Variants in GNAI1 observed in about 807,000 individuals in gnomAD.
GNAI1 encodes the protein G protein subunit alpha i1.
In GNAI1, 11 loss-of-function variants were observed where a neutral mutation model predicts 38.9. The observed-to-expected ratio is 0.28, with a 90% CI of 0.18 to 0.47. The LOEUF (loss-of-function observed/expected upper bound fraction) is 0.47, where lower values mean the gene tolerates loss of function less well. Ranked by LOEUF, GNAI1 falls within the 20% of genes least tolerant of loss-of-function variation. GNAI1 has a pLI of 0.99. For missense variants in GNAI1, 317 were observed against 436.9 expected (o/e 0.73, Z 2.45); for synonymous variants, 166 against 145.1 (o/e 1.14, Z -1.04).
At chr7:80,135,516 G>A (rs973891336) in intron 1 of GNAI1, 1 of 400,504 alleles carries the variant, frequency 2.5e-6, no homozygotes. Flanking sequence ...ACTTCACTCG[G>A]ATGCTTTCGT....
rs747520374 is a variant in GNAI1 at position 80,217,394 on chromosome 7, C to T, written c.966C>T (p.His322=). ...AGGACACAAAGGAAATATACACCCA[C>T]TTCACATGTGCCACAGATACTAAGA... ...KRKDTKEIYT[H]FTCATDTKNV... Residue 322 remains histidine (H), a synonymous_variant, in exon 8 of 8, where the codon CAC becomes CAT. Transcript: ENST00000649796. The T allele has an allele frequency of 5.6e-6, 9 of 1,605,598 alleles. No homozygotes were observed. The highest frequency in any genetic ancestry group is 1.1e-5 in the South Asian group (1 of 90,370).
At chr7:80,201,162 A>G (rs1330858407) in intron 4 of GNAI1, among the ~76,000 whole-genome samples, 1 of 152,178 alleles carries the variant, frequency 6.6e-6, no homozygotes. Flanking sequence ...AATTAGAAAA[A>G]ATACTTACAG....
chr7:80,162,914 C>A (rs1356013709), intron 1 of GNAI1, among the ~76,000 whole-genome samples: 2 of 152,148 alleles, frequency 1.3e-5, no homozygotes, highest in African/African-American at 4.8e-5. Context: ...TTCTGCTCTG[C>A]ATTGTTTGAT....
At chr7:80,178,285 C>T (rs947577551) in intron 1 of GNAI1, among the ~76,000 whole-genome samples, 1 of 152,184 alleles carries the variant, frequency 6.6e-6, no homozygotes, top group Non-Finnish European at 1.5e-5. Flanking sequence ...GAAATGACAA[C>T]AAAGGATTTA....
At chr7:80,151,971 G>A (rs1324482141) in intron 1 of GNAI1, among the ~76,000 whole-genome samples, 1 of 152,204 alleles carries the variant, frequency 6.6e-6, no homozygotes, top group Admixed American at 6.5e-5. Context: ...AAGGGCACAA[G>A]CAAGAATATG....
At position 80,158,955 on chromosome 7, in the gene GNAI1, G is replaced by A. The variant is rs180972412; in HGVS notation, c.118+23677G>A. Among the ~76,000 whole-genome samples the A allele has an allele frequency of 2.8e-3, 419 of 152,274 alleles. 2 individuals are homozygous for A. Among genetic ancestry groups the A allele is most frequent in the Non-Finnish European group, 4.4e-3 (301 of 68,030 alleles). On this transcript the variant is annotated intron_variant, in intron 1 of 7. Coordinates refer to ENST00000649796, the MANE Select transcript of GNAI1 (RefSeq NM_002069.6). Reference sequence around the variant, plus strand: ...GCTCACAGTGGCGATGTCTTCTAAAGCTGTTGACGTTAGAGGTGGCATAGC... The same window carrying A: ...GCTCACAGTGGCGATGTCTTCTAAAACTGTTGACGTTAGAGGTGGCATAGC...
At chr7:80,142,726 C>A (rs1787548041) in intron 1 of GNAI1, among the ~76,000 whole-genome samples, 2 of 151,992 alleles carry the variant, frequency 1.3e-5, no homozygotes, top group South Asian at 4.1e-4. Flanking sequence ...GAATTTTAGC[C>A]CAATATATAT....
intron 1 of GNAI1, among the ~76,000 whole-genome samples, chr7:80,175,362 T>TTA (rs1431414065): frequency 1.5e-5 from 2 of 137,018 alleles, no homozygotes; most frequent in East Asian, 2.2e-4. Flanking sequence ...ATGTGTATAT[T>TTA]TATGTGTGTG....
rs1224841887 is a variant in GNAI1, at chr7:80,204,807, T to C, written c.590+975T>C. Among the ~76,000 whole-genome samples the C allele has an allele frequency of 2.0e-5, 3 of 152,176 alleles. No homozygotes were observed. In the East Asian group the frequency reaches 5.8e-4, roughly 29 times the overall value. On this transcript the variant is annotated intron_variant, in intron 5 of 7. Coordinates refer to ENST00000649796, the MANE Select transcript of GNAI1 (RefSeq NM_002069.6). The stretch of plus-strand genomic sequence containing the variant: ...ATGAAAAAAGAAATTATGTAGCCTA[T>C]GTAAATATATATACATTAATAAGAT...
At chr7:80,196,989 C>A (rs1178468904) in intron 3 of GNAI1, among the ~76,000 whole-genome samples, 1 of 151,864 alleles carries the variant, frequency 6.6e-6, no homozygotes, top group Non-Finnish European at 1.5e-5. Context: ...TAGCTACAGT[C>A]CTCATATTGT....
In GNAI1 at chr7:80,175,634, T is replaced by C. The variant is rs180904872; in HGVS notation, c.119-13317T>C. ...GTCTGTCAACACCATTTTTCTAATATGTGTGCTCATTTTGTATCTCTGTGT... is the reference window on the plus strand; with the variant it reads ...GTCTGTCAACACCATTTTTCTAATACGTGTGCTCATTTTGTATCTCTGTGT... On this transcript the variant is annotated intron_variant, in intron 1 of 7. Coordinates refer to ENST00000649796, the MANE Select transcript of GNAI1 (RefSeq NM_002069.6). Among the ~76,000 whole-genome samples the C allele has an allele frequency of 9.9e-5, 15 of 152,110 alleles. No homozygotes were observed. In the East Asian group the frequency reaches 1.9e-3, roughly 20 times the overall value.
At position 80,171,134 on chromosome 7, in the gene GNAI1, A is replaced by G. The variant is rs1321394392; in HGVS notation, c.119-17817A>G. Among the ~76,000 whole-genome samples, 3 of 152,194 alleles carry G rather than the reference A, an allele frequency of 2.0e-5. No homozygotes were observed. In the East Asian group the frequency reaches 5.8e-4, roughly 29 times the overall value. ...AGTTCCTTCTCTTACAGCTCATCAG[A>G]TTAAAATTATGATGTGATGCCTGTT... is the stretch of plus-strand genomic sequence containing the variant. On this transcript the variant is annotated intron_variant, in intron 1 of 7. Coordinates refer to ENST00000649796, the MANE Select transcript of GNAI1 (RefSeq NM_002069.6).
intron 1 of GNAI1, among the ~76,000 whole-genome samples, chr7:80,177,297 T>G (rs897389942): frequency 6.6e-6 from 1 of 152,104 alleles, no homozygotes; most frequent in African/African-American, 2.4e-5. Context: ...CCCAAAGTGC[T>G]GGGATTACAG....
chr7:80,181,908 G>T lies in GNAI1; in HGVS notation c.119-7043G>T, dbSNP rs140372467. 4.1e-3 allele frequency among the ~76,000 whole-genome samples: 622 copies of T among 152,192 alleles called. 4 individuals carry two copies. Among genetic ancestry groups the T allele is most frequent in the African/African-American group, 0.014 (586 of 41,526 alleles). ...GGTGAAAACATTTAAGATCTACTCT[G>T]TTAGTAGTTTTCAAGTATACAATAT... is the stretch of plus-strand genomic sequence containing the variant. On this transcript the variant is annotated intron_variant, in intron 1 of 7. Transcript: ENST00000649796.
rs1789015813 is a variant in GNAI1 at position 80,218,589 on chromosome 7, T to TA, written c.*1097dup. On this transcript the variant is annotated 3_prime_UTR_variant, in exon 8 of 8. Coordinates refer to ENST00000649796, the MANE Select transcript of GNAI1 (RefSeq NM_002069.6). ...GGATCTTTGAATACTCTATTGCTGA[T>TA]ATAATGCAAGATTTAAATTTATACA... 6.6e-6 allele frequency: 1 copy of TA among 152,180 alleles called. No homozygotes were observed. The highest frequency in any genetic ancestry group is 6.6e-5 in the Admixed American group (1 of 15,266). The allele number at this position is 152,180 out of a possible 1,614,324, so 9.4% of individuals were successfully genotyped here. A position where few individuals can be genotyped will look rare whatever the true frequency, so the allele number is the denominator to read the frequency against.
At chr7:80,201,078 C>T (rs1425536147) in intron 4 of GNAI1, among the ~76,000 whole-genome samples, 1 of 152,202 alleles carries the variant, frequency 6.6e-6, no homozygotes, top group African/African-American at 2.4e-5. Context: ...TAGCCTGACA[C>T]AGTCATCACC....
rs183208350 is a variant in GNAI1 at position 80,136,658 on chromosome 7, T to G, written c.118+1380T>G. Among the ~76,000 whole-genome samples, 6 of 152,344 alleles carry G rather than the reference T, an allele frequency of 3.9e-5. No homozygotes were observed. The East Asian group carries it at 1.2e-3, about 29-fold the overall frequency. On this transcript the variant is annotated intron_variant, in intron 1 of 7. Transcript: ENST00000649796. ...ATACTGTGTTTTGATGAGGTTAGTG[T>G]ATGTACTTCTCTTGTGAATTGAATG...
At chr7:80,143,674 TTTTC>T (rs376151636) in intron 1 of GNAI1, among the ~76,000 whole-genome samples, 13 of 152,274 alleles carry the variant, frequency 8.5e-5, no homozygotes, top group African/African-American at 2.9e-4. Context: ...AGCTTCAGTT[TTTTC>T]TTCTATAAAT....
Position 80,189,480 on chromosome 7 carries a change from G to A in GNAI1, c.303+249G>A, listed in dbSNP as rs565278715. On this transcript the variant is annotated intron_variant, in intron 3 of 7. Coordinates refer to ENST00000649796, the MANE Select transcript of GNAI1 (RefSeq NM_002069.6). ...TTTGGACAACTGAATAATCACCACA[G>A]TGCTTTCTGTGTAGCATGCTGTGTT... Among the ~76,000 whole-genome samples, 25 of 152,252 alleles carry A rather than the reference G, an allele frequency of 1.6e-4. No individual in the cohort carries two copies. The South Asian group carries it at 3.5e-3, about 21-fold the overall frequency.
Sources: allele counts gnomAD v4.1 joint callset (sites outside exome capture counted in the v4.1 genomes callset), GRCh38; gene constraint gnomAD v4.1.1; transcripts MANE v1.5; gene names NCBI Gene and HGNC (gene_info 2026-07-23, HGNC 2026-07-21).